ASIP: variants seen among roughly 807,000 people sequenced by gnomAD.
ASIP encodes agouti signaling protein.
In ASIP, 11 loss-of-function variants were observed where a neutral mutation model predicts 10.3. The observed-to-expected ratio is 1.07, with a 90% CI of 0.68 to 1.78. ASIP has a LOEUF of 1.78. Ranked by LOEUF, ASIP falls within the 40% of genes most tolerant of loss-of-function variation. The pLI, the probability that ASIP is intolerant of heterozygous loss-of-function variation, is 0.00. For missense variants in ASIP, 180 were observed against 169.2 expected (o/e 1.06, Z -0.35); for synonymous variants, 70 against 70.8 (o/e 0.99, Z 0.06).
At chr20:34,201,891 C>T (rs569311124) in intron 1 of ASIP, among the ~76,000 whole-genome samples, 29 of 152,278 alleles carry the variant, frequency 1.9e-4, no homozygotes, top group African/African-American at 6.3e-4. Flanking sequence ...GCTTCTAGAA[C>T]ACTAAAAATT....
chr20:34,219,514 T>C (rs1266562813), intron 1 of ASIP, among the ~76,000 whole-genome samples: 1 of 152,234 alleles, frequency 6.6e-6, no homozygotes, highest in Non-Finnish European at 1.5e-5. Context: ...GAGGCAGAAG[T>C]TCTTATTTAA....
rs1201639876 is a variant in ASIP at position 34,260,498 on chromosome 20, G to T, written c.124G>T (p.Val42Leu). Reference protein sequence around the residue: ...DDRSLRSNSSVNLLDVPSVSI... With the variant: ...DDRSLRSNSSLNLLDVPSVSI... The stretch of plus-strand genomic sequence containing the variant: ...CAGGAGCCTGAGAAGCAACTCCTCT[G>T]TGAACCTACTGGATGTCCCTTCTGT... Residue 42 changes from valine to leucine, a missense_variant, in exon 2 of 4, where the codon GTG (valine) becomes TTG (leucine). Physicochemically the swap from Val to Leu is conservative, Grantham distance 32. Coordinates refer to ENST00000374954, the MANE Select transcript of ASIP (RefSeq NM_001672.3). The T allele has an allele frequency of 6.2e-7, 1 of 1,613,840 alleles. No homozygotes were observed. The highest frequency in any genetic ancestry group is 1.7e-5 in the Admixed American group (1 of 59,996).
intron 1 of ASIP, among the ~76,000 whole-genome samples, chr20:34,223,471 G>GC (rs1323995448): frequency 4.0e-5 from 6 of 151,768 alleles, no homozygotes; most frequent in African/African-American, 7.3e-5. Flanking sequence ...TCTCCGCCCG[G>GC]CAGCCACCCC....
chr20:34,240,043 C>T (rs1014066849), upstream of ASIP, among the ~76,000 whole-genome samples: 8 of 152,080 alleles, frequency 5.3e-5, no homozygotes, highest in African/African-American at 1.2e-4. Context: ...AGGTGGTCTT[C>T]AGTGTGTCTG....
intron 1 of ASIP, among the ~76,000 whole-genome samples, chr20:34,196,216 G>A (rs1482274448): frequency 2.4e-5 from 3 of 125,072 alleles, no homozygotes; most frequent in Non-Finnish European, 4.7e-5. Context: ...ATCCCGCTGT[G>A]TCGCCCAGGC....
chr20:34,258,696 C>CATAA (rs1280206295), intron 1 of ASIP, among the ~76,000 whole-genome samples: 1 of 11,652 alleles, frequency 8.6e-5, no homozygotes. Context: ...TATATACATA[C>CATAA]TATATATATA....
At chr20:34,227,853 C>T (rs948465261) in intron 1 of ASIP, among the ~76,000 whole-genome samples, 1 of 152,186 alleles carries the variant, frequency 6.6e-6, no homozygotes, top group African/African-American at 2.4e-5. Flanking sequence ...AGACTTCACT[C>T]TCCCTGACTT....
upstream of ASIP, among the ~76,000 whole-genome samples, chr20:34,238,771 C>G (rs1433664476): frequency 6.6e-6 from 1 of 152,062 alleles, no homozygotes; most frequent in Non-Finnish European, 1.5e-5. Flanking sequence ...TGTGGTAACT[C>G]TAGAAACCAG....
chr20:34,235,364 G>A (rs545037146), intron 1 of ASIP, among the ~76,000 whole-genome samples: 12 of 151,994 alleles, frequency 7.9e-5, no homozygotes, highest in East Asian at 5.8e-4. Context: ...CGCTTGAAGC[G>A]GGGAGGCGGA....
intron 1 of ASIP, among the ~76,000 whole-genome samples, chr20:34,227,901 T>C (rs925681780): frequency 6.6e-5 from 10 of 152,212 alleles, no homozygotes; most frequent in Admixed American, 2.0e-4. Context: ...GTAGTATTGC[T>C]ATAAAGATAG....
chr20:34,201,345 T>C, intron 1 of ASIP, among the ~76,000 whole-genome samples: 1 of 152,178 alleles, frequency 6.6e-6, no homozygotes, highest in Non-Finnish European at 1.5e-5. Context: ...AGGTTAAACC[T>C]GTTGGCAGTT....
intron 1 of ASIP, among the ~76,000 whole-genome samples, chr20:34,232,162 A>T (rs1200247591): frequency 6.6e-6 from 1 of 152,222 alleles, no homozygotes; most frequent in Non-Finnish European, 1.5e-5. Flanking sequence ...TTTTATAGAA[A>T]GCAGTAAGTG....
chr20:34,216,986 G>A (rs1292488311), intron 1 of ASIP, among the ~76,000 whole-genome samples: 1 of 152,010 alleles, frequency 6.6e-6, no homozygotes, highest in East Asian at 1.9e-4. Context: ...TCTCCAGAAG[G>A]GTTTACTTTT....
chr20:34,249,671 T>C (rs2035441693), intron 1 of ASIP, among the ~76,000 whole-genome samples: 2 of 152,182 alleles, frequency 1.3e-5, no homozygotes, highest in Admixed American at 1.3e-4. Context: ...TGGCAAATTG[T>C]GCCTCAACTC....
At chr20:34,263,982 T>C (rs1196330434) in intron 3 of ASIP, among the ~76,000 whole-genome samples, 1 of 152,142 alleles carries the variant, frequency 6.6e-6, no homozygotes, top group Non-Finnish European at 1.5e-5. Flanking sequence ...ACTTTTTAAA[T>C]TGGAAAATAT....
At chr20:34,197,469 T>G (rs1248863308) in intron 1 of ASIP, among the ~76,000 whole-genome samples, 1 of 152,226 alleles carries the variant, frequency 6.6e-6, no homozygotes, top group Non-Finnish European at 1.5e-5. Flanking sequence ...ACTTGTTCAA[T>G]ACAGTCAGTA....
chr20:34,194,953 T>A (rs2034845502), intron 1 of ASIP, among the ~76,000 whole-genome samples: 1 of 152,174 alleles, frequency 6.6e-6, no homozygotes, highest in African/African-American at 2.4e-5. Flanking sequence ...TAGTAAAACT[T>A]TCTGAAAGCC....
intron 1 of ASIP, among the ~76,000 whole-genome samples, chr20:34,211,074 T>C (rs2034971834): frequency 6.6e-6 from 1 of 152,210 alleles, no homozygotes; most frequent in African/African-American, 2.4e-5. Context: ...CAGGCTGGAG[T>C]ACAGTAGCTT....
At chr20:34,246,484 A>T in intron 1 of ASIP, 1 of 1,388,242 alleles carries the variant, frequency 7.2e-7, no homozygotes, top group Non-Finnish European at 1.0e-6. Flanking sequence ...CTAACTTGGC[A>T]CTGTTCCTTG....
Sources: gnomAD v4.1 joint callset for allele counts (sites outside exome capture counted in the v4.1 genomes callset) on GRCh38, gnomAD v4.1.1 for gene constraint, MANE v1.5 for transcripts, NCBI Gene and HGNC (gene_info 2026-07-23, HGNC 2026-07-21) for gene names.